The following GCSAM variants were observed in gnomAD, a reference collection of about 807,000 sequenced individuals.
GCSAM encodes the protein germinal center associated signaling and motility.
In GCSAM, 8 loss-of-function variants were observed where a neutral mutation model predicts 17.6. The observed-to-expected ratio is 0.46, with a 90% CI of 0.27 to 0.82. The LOEUF is 0.82. Among genes scored for constraint, GCSAM ranks in the 40% least tolerant of loss-of-function variants. The probability of loss-of-function intolerance (pLI) is 0.15; values close to 1 mark genes in which losing one functional copy is unlikely to be tolerated. For missense variants in GCSAM, 192 were observed against 213.5 expected (o/e 0.90, Z 0.63); for synonymous variants, 68 against 69.0 (o/e 0.98, Z 0.07).
In GCSAM at chr3:112,125,236, G is replaced by A. The variant is rs766131254; in HGVS notation, c.209C>T (p.Thr70Ile). Residue 70 changes from threonine (T) to isoleucine (I), a missense_variant, in exon 5 of 6, where the codon ACT (threonine) becomes ATT (isoleucine). Coordinates refer to ENST00000308910, the MANE Select transcript of GCSAM (RefSeq NM_152785.5). ...AGATGTTCTTATTACCTGGATGGGAGTAGATGACATTCTTTCATCTGGAGA... is the reference window on the plus strand; with the variant it reads ...AGATGTTCTTATTACCTGGATGGGAATAGATGACATTCTTTCATCTGGAGA... Reference protein sequence around the residue: ...SQNENERMSSTPIQDNVDQTY... With the variant: ...SQNENERMSSIPIQDNVDQTY... 5 of 1,579,318 alleles carry A rather than the reference G, an allele frequency of 3.2e-6. No homozygotes were observed. Among genetic ancestry groups the A allele is most frequent in the Admixed American group, 3.3e-5 (2 of 59,962 alleles).
rs2074217105 is a variant in GCSAM, at chr3:112,122,385, G to A, written c.*1070C>T. The A allele has an allele frequency of 6.6e-6, 1 of 152,142 alleles. No homozygotes were observed. The highest frequency in any genetic ancestry group is 2.4e-5 in the African/African-American group (1 of 41,414). 9.4% of individuals were successfully genotyped at this position (152,142 alleles called of 1,614,324 possible). A position where few individuals can be genotyped will look rare whatever the true frequency, so the allele number is the denominator to read the frequency against. On this transcript the variant is annotated 3_prime_UTR_variant, in exon 6 of 6. Coordinates refer to ENST00000308910, the MANE Select transcript of GCSAM (RefSeq NM_152785.5). ...ACAAATCTTTATCTATAAAAACAGG[G>A]AGTGGGCTAGATTTGGCCTGGGGGT...
chr3:112,133,136 A>G lies in GCSAM; in HGVS notation c.-16T>C. On this transcript the variant is annotated 5_prime_UTR_variant, in exon 1 of 6. Coordinates refer to ENST00000308910, the MANE Select transcript of GCSAM (RefSeq NM_152785.5). ...AATTTCCCATCCTCTCAGTCCTCTC[A>G]GGGCTTCCCCTCCGTCCCTTTACCA... 1 of 1,613,744 alleles carries G rather than the reference A, an allele frequency of 6.2e-7. No individual in the cohort carries two copies. The highest frequency in any genetic ancestry group is 8.5e-7 in the Non-Finnish European group (1 of 1,179,654).
rs186411499 is a variant in GCSAM at position 112,130,642 on chromosome 3, A to C, written c.30-129T>G. 2,359 of 798,332 alleles carry C rather than the reference A, an allele frequency of 3.0e-3. 46 individuals carry two copies. Among genetic ancestry groups the C allele is most frequent in the South Asian group, 0.022 (1,552 of 70,260 alleles). The allele number at this position is 798,332 out of a possible 1,614,324, so 49.5% of individuals were successfully genotyped here. ...ACTCAGAAATTGACTGGTTGCCCTCACACATGTTAATACTGTTTCCTCAAG... is the reference window on the plus strand; with the variant it reads ...ACTCAGAAATTGACTGGTTGCCCTCCCACATGTTAATACTGTTTCCTCAAG... On this transcript the variant is annotated intron_variant, in intron 1 of 5. Coordinates refer to ENST00000308910, the MANE Select transcript of GCSAM (RefSeq NM_152785.5).
At chr3:112,123,842 A>C (rs963750946) in intron 5 of GCSAM, 70 bp from the exon 6 acceptor site, 3 of 1,507,150 alleles carry the variant, frequency 2.0e-6, no homozygotes, top group Non-Finnish European at 1.8e-6. Flanking sequence ...CAGTCTCAAC[A>C]CAGGCTTGAC....
rs566140782 is a variant in GCSAM, at chr3:112,123,912, A to G, written c.220-140T>C. The G allele has an allele frequency of 5.0e-5, 42 of 833,974 alleles. No homozygotes were observed. In the East Asian group the frequency reaches 8.3e-4, roughly 17 times the overall value. The allele number at this position is 833,974 out of a possible 1,614,324, so 51.7% of individuals were successfully genotyped here. The stretch of plus-strand genomic sequence containing the variant: ...CCCCATCTCTTGGCCATTTTTTTCT[A>G]AATGGCTGCTTCTACCCCAACCACT... On this transcript the variant is annotated intron_variant, in intron 5 of 5. Transcript: ENST00000308910.
At chr3:112,130,201 CA>C (rs1559987101) in intron 2 of GCSAM, 3 of 526,112 alleles carry the variant, frequency 5.7e-6, no homozygotes, top group Non-Finnish European at 1.0e-5. Context: ...CAGGGCATAA[CA>C]GGGACTAGCA....
intron 2 of GCSAM, chr3:112,129,272 A>G (rs889352557): frequency 2.6e-5 from 4 of 152,200 alleles, no homozygotes; most frequent in African/African-American, 9.6e-5. Flanking sequence ...TTTGAGAGAT[A>G]TTCTCTGAAC....
intron 1 of GCSAM, chr3:112,132,808 C>G: frequency 2.6e-6 from 1 of 379,392 alleles, no homozygotes; most frequent in Non-Finnish European, 4.1e-6. Context: ...TGTTTCATTT[C>G]TTAGGTGGTA....
At chr3:112,130,300 T>A in intron 2 of GCSAM, 145 bp downstream of exon 2, 1 of 712,218 alleles carries the variant, frequency 1.4e-6, no homozygotes, top group Non-Finnish European at 2.5e-6. Context: ...ATTTTATCTT[T>A]TGTCCTGTCT....
Position 112,123,346 on chromosome 3 carries a change from T to G in GCSAM, c.*109A>C. The G allele has an allele frequency of 6.6e-7, 1 of 1,520,968 alleles. No individual in the cohort carries two copies. The highest frequency in any genetic ancestry group is 8.8e-7 in the Non-Finnish European group (1 of 1,138,042). 94.2% of individuals were successfully genotyped at this position (1,520,968 alleles called of 1,614,324 possible). A position where few individuals can be genotyped will look rare whatever the true frequency, so the allele number is the denominator to read the frequency against. Reference sequence around the variant, plus strand: ...ACCATGCTCTGCAGGGAAAGGGTTGTTGTGGGAGATAAGCTGGAGGGACTT... The same window carrying G: ...ACCATGCTCTGCAGGGAAAGGGTTGGTGTGGGAGATAAGCTGGAGGGACTT... On this transcript the variant is annotated 3_prime_UTR_variant, in exon 6 of 6. Transcript: ENST00000308910.
In GCSAM at chr3:112,128,259, A is replaced by G. The variant is rs527884636; in HGVS notation, c.99-198T>C. The G allele has an allele frequency of 8.0e-5, 56 of 696,808 alleles. No individual in the cohort carries two copies. In the African/African-American group the frequency reaches 8.4e-4, roughly 10 times the overall value. 43.2% of individuals were successfully genotyped at this position (696,808 alleles called of 1,614,324 possible). On this transcript the variant is annotated intron_variant, in intron 2 of 5. Transcript: ENST00000308910. ...ATGAAGATGATACTATCAAATTCCTAATCAGGAAAAAAGCTTTCTGCTGTG... is the reference window on the plus strand; with the variant it reads ...ATGAAGATGATACTATCAAATTCCTGATCAGGAAAAAAGCTTTCTGCTGTG...
chr3:112,128,125 C>A, intron 2 of GCSAM, 64 bp from the exon 3 acceptor site: 1 of 1,473,880 alleles, frequency 6.8e-7, no homozygotes, highest in Non-Finnish European at 9.5e-7. Flanking sequence ...TAAGGTGACT[C>A]CTTTCCTTTT....
At chr3:112,125,360 G>T in intron 4 of GCSAM, 106 bp from the exon 5 acceptor site, 1 of 776,192 alleles carries the variant, frequency 1.3e-6, no homozygotes, top group East Asian at 2.5e-5. Context: ...GAAACAGCTG[G>T]GGTAGCTCTT....
intron 5 of GCSAM, 136 bp from the exon 6 acceptor site, chr3:112,123,908 T>C: frequency 1.1e-6 from 1 of 874,774 alleles, no homozygotes; most frequent in Admixed American, 2.5e-5. Context: ...GGCCATTTTT[T>C]TCTAAATGGC....
At chr3:112,131,458 T>C (rs2074449890) in intron 1 of GCSAM, among the ~76,000 whole-genome samples, 1 of 152,200 alleles carries the variant, frequency 6.6e-6, no homozygotes, top group Non-Finnish European at 1.5e-5. Context: ...TACAAGACTT[T>C]TGAATACGTT....
chr3:112,132,643 G>T, intron 1 of GCSAM: 2 of 986,878 alleles, frequency 2.0e-6, no homozygotes, highest in South Asian at 4.7e-5. Flanking sequence ...TTACCTGCTT[G>T]CAGGGAGTGC....
At chr3:112,132,975 C>G (rs1231732837) in intron 1 of GCSAM, 117 bp downstream of exon 1, 1 of 1,012,450 alleles carries the variant, frequency 9.9e-7, no homozygotes, top group Non-Finnish European at 1.5e-6. Context: ...GTTTCCTTAC[C>G]CAACTACTTT....
Position 112,123,431 on chromosome 3 carries a change from A to G in GCSAM, c.*24T>C. 6.2e-7 allele frequency: 1 copy of G among 1,606,344 alleles called. No homozygotes were observed. The highest frequency in any genetic ancestry group is 1.1e-5 in the South Asian group (1 of 89,454). ...CCCACCTTTTATTTGTTGGTGCTAAACAAATGCTAGTCCAGCCACTTCACT... is the reference window on the plus strand; with the variant it reads ...CCCACCTTTTATTTGTTGGTGCTAAGCAAATGCTAGTCCAGCCACTTCACT... On this transcript the variant is annotated 3_prime_UTR_variant, in exon 6 of 6. Coordinates refer to ENST00000308910, the MANE Select transcript of GCSAM (RefSeq NM_152785.5).
rs1352483381 is a variant in GCSAM at position 112,130,401 on chromosome 3, C to G, written c.98+44G>C. 4 of 1,532,084 alleles carry G rather than the reference C, an allele frequency of 2.6e-6. No homozygotes were observed. In the African/African-American group the frequency reaches 5.5e-5, roughly 21 times the overall value. The allele number at this position is 1,532,084 out of a possible 1,614,324, so 94.9% of individuals were successfully genotyped here. A position where few individuals can be genotyped will look rare whatever the true frequency, so the allele number is the denominator to read the frequency against. ...TCCAGGGCTTGACATACTTCGTTCT[C>G]CTTGGGCAAGGTCTGGGGGGTGTTT... On this transcript the variant is annotated intron_variant, in intron 2 of 5. Transcript: ENST00000308910.
Sources: allele counts gnomAD v4.1 joint callset (sites outside exome capture counted in the v4.1 genomes callset), GRCh38; gene constraint gnomAD v4.1.1; transcripts MANE v1.5; gene names NCBI Gene and HGNC (gene_info 2026-07-23, HGNC 2026-07-21).